Variants in ZSWIM6 observed in about 807,000 individuals in gnomAD.
The protein encoded by ZSWIM6 is zinc finger SWIM domain-containing protein 6.
ZSWIM6 carries 9 observed loss-of-function variants against 113.2 expected under a neutral mutation model. The ratio of observed to expected loss-of-function variants is 0.08; its 90% CI spans 0.05 to 0.14. The LOEUF (loss-of-function observed/expected upper bound fraction) is 0.14. Among genes scored for constraint, ZSWIM6 ranks in the 10% least tolerant of loss-of-function variants. ZSWIM6 has a pLI of 1.00. For missense variants in ZSWIM6, 1,162 were observed against 1,552.2 expected (o/e 0.75, Z 4.22); for synonymous variants, 611 against 606.5 (o/e 1.01, Z -0.11).
At chr5:61,535,428 A>G (rs982475849) in intron 9 of ZSWIM6, 56 bp from the exon 10 acceptor site, 1 of 1,537,688 alleles carries the variant, frequency 6.5e-7, no homozygotes, top group African/African-American at 1.4e-5. Context: ...TATGCTTTAC[A>G]AGAAGTGTTA....
chr5:61,409,873 G>A (rs1201746811), intron 1 of ZSWIM6, among the ~76,000 whole-genome samples: 3 of 152,208 alleles, frequency 2.0e-5, no homozygotes, highest in African/African-American at 7.2e-5. Context: ...GATCAGGCCA[G>A]TAAAGGAAGA....
At chr5:61,437,106 A>G (rs1746724697) in intron 1 of ZSWIM6, among the ~76,000 whole-genome samples, 1 of 152,112 alleles carries the variant, frequency 6.6e-6, no homozygotes, top group Non-Finnish European at 1.5e-5. Flanking sequence ...TCTGCAACAT[A>G]AGGGAAAGGG....
intron 1 of ZSWIM6, among the ~76,000 whole-genome samples, chr5:61,455,356 A>G (rs1239284916): frequency 1.3e-5 from 2 of 152,164 alleles, no homozygotes; most frequent in Non-Finnish European, 2.9e-5. Flanking sequence ...AACAAGGACA[A>G]AGGAAGGGCC....
intron 1 of ZSWIM6, among the ~76,000 whole-genome samples, chr5:61,417,152 A>C (rs561561771): frequency 2.7e-4 from 41 of 152,318 alleles, no homozygotes; most frequent in African/African-American, 9.6e-4. Context: ...GAAGAAAAAA[A>C]AAATAAAAGC....
In ZSWIM6 at chr5:61,472,724, G is replaced by A. The variant is rs1747604370; in HGVS notation, c.720G>A (p.Ser240=). 3 of 1,548,314 alleles carry A rather than the reference G, an allele frequency of 1.9e-6. No homozygotes were observed. Among genetic ancestry groups the A allele is most frequent in the South Asian group, 1.2e-5 (1 of 83,544 alleles). The change falls in exon 2 of 14, where the codon TCG becomes TCA. Residue 240 remains serine, a synonymous_variant. Coordinates refer to ENST00000252744, the MANE Select transcript of ZSWIM6 (RefSeq NM_020928.2). This position sits in a 1 kb window ranked among gnomAD's most constrained non-coding sequence, Gnocchi z 4.1. The part of the protein sequence containing the change: ...SGTVTEPAIQ[S]EPETVCNVAI... ...CAGTGACAGAACCTGCAATACAATCGGAGCCAGAAACTGTTTGCAACGTGG... is the reference window on the plus strand; with the variant it reads ...CAGTGACAGAACCTGCAATACAATCAGAGCCAGAAACTGTTTGCAACGTGG...
chr5:61,374,699 G>A (rs1040916460), intron 1 of ZSWIM6, among the ~76,000 whole-genome samples: 7 of 151,890 alleles, frequency 4.6e-5, no homozygotes, highest in African/African-American at 1.5e-4. Context: ...GACTACAGGC[G>A]CTCGCCACCA....
chr5:61,361,298 A>G (rs994832022), intron 1 of ZSWIM6, among the ~76,000 whole-genome samples: 3 of 152,182 alleles, frequency 2.0e-5, no homozygotes, highest in Non-Finnish European at 2.9e-5. Context: ...AAGTAATAGA[A>G]GTGGGATTGA....
At chr5:61,333,410 C>T (rs941023206) in intron 1 of ZSWIM6, among the ~76,000 whole-genome samples, 1 of 151,880 alleles carries the variant, frequency 6.6e-6, no homozygotes, top group African/African-American at 2.4e-5. Flanking sequence ...GCGCTCCCCC[C>T]CTCTCCCACT....
At chr5:61,508,111 G>A (rs149315565) in intron 4 of ZSWIM6, among the ~76,000 whole-genome samples, 7 of 152,106 alleles carry the variant, frequency 4.6e-5, no homozygotes, top group Admixed American at 6.6e-5. Flanking sequence ...TCATGTGAGG[G>A]TGAAATGTGA....
rs564154837 is a variant in ZSWIM6 at position 61,461,439 on chromosome 5, G to A, written c.677-11242G>A. ...GCCAGTGGGGCTAGAATTACATAATGGCTGAAATTAGAATCAAGAGTCCCA... is the reference window on the plus strand; with the variant it reads ...GCCAGTGGGGCTAGAATTACATAATAGCTGAAATTAGAATCAAGAGTCCCA... On this transcript the variant is annotated intron_variant, in intron 1 of 13. Transcript: ENST00000252744. Among the ~76,000 whole-genome samples the A allele has an allele frequency of 1.8e-4, 28 of 152,306 alleles. No homozygotes were observed. The South Asian group carries it at 3.5e-3, about 19-fold the overall frequency.
At chr5:61,391,388 T>C (rs1745708183) in intron 1 of ZSWIM6, 1 of 859,582 alleles carries the variant, frequency 1.2e-6, no homozygotes, top group South Asian at 1.3e-5. Context: ...TAGGCAATGA[T>C]GCAGATGACT....
rs1233271761 is a variant in ZSWIM6 at position 61,472,407 on chromosome 5, A to G, written c.677-274A>G. On this transcript the variant is annotated intron_variant, in intron 1 of 13. Coordinates refer to ENST00000252744, the MANE Select transcript of ZSWIM6 (RefSeq NM_020928.2). This position sits in a 1 kb window ranked among gnomAD's most constrained non-coding sequence, Gnocchi z 4.1. Reference sequence around the variant, plus strand: ...TTAGTGCGTGATCTAACCACTTCCTATAGGTATGATGGTGTTGTATGGCAA... The same window carrying G: ...TTAGTGCGTGATCTAACCACTTCCTGTAGGTATGATGGTGTTGTATGGCAA... Among the ~76,000 whole-genome samples, 2 of 152,160 alleles carry G rather than the reference A, an allele frequency of 1.3e-5. No homozygotes were observed. Among genetic ancestry groups the G allele is most frequent in the African/African-American group, 2.4e-5 (1 of 41,420 alleles).
At position 61,390,660 on chromosome 5, in the gene ZSWIM6, T is replaced by G. The variant is rs1311256377; in HGVS notation, c.676+57712T>G. On this transcript the variant is annotated intron_variant, in intron 1 of 13. Transcript: ENST00000252744. ...AGACCCCACCAGCTGCAAAAACTGT[T>G]CCTGGCATTAAGCTCCTTCTTCCTT... 7.3e-6 allele frequency: 6 copies of G among 823,930 alleles called. No individual in the cohort carries two copies. The Admixed American group carries it at 1.0e-4, about 14-fold the overall frequency. 51.0% of individuals were successfully genotyped at this position (823,930 alleles called of 1,614,324 possible).
At chr5:61,422,530 A>C (rs1299947392) in intron 1 of ZSWIM6, among the ~76,000 whole-genome samples, 3 of 152,096 alleles carry the variant, frequency 2.0e-5, no homozygotes, top group Non-Finnish European at 4.4e-5. Flanking sequence ...TTTTGCTTAG[A>C]TAGCTTTGAC....
Position 61,538,919 on chromosome 5 carries a change from C to T in ZSWIM6, c.2487C>T (p.His829=), listed in dbSNP as rs1425944461. ...NRYPRWFTLS[H]IESQQCELAS... ...ACCCTCGCTGGTTCACTCTAAGCCA[C>T]ATTGAGTCCCAGCAGTGTGAGCTGG... Residue 829 remains histidine (H), a synonymous_variant, in exon 11 of 14, where the codon CAC becomes CAT. Transcript: ENST00000252744. 2.6e-6 allele frequency: 4 copies of T among 1,552,172 alleles called. No homozygotes were observed. Among genetic ancestry groups the T allele is most frequent in the Admixed American group, 3.9e-5 (2 of 51,016 alleles).
intron 4 of ZSWIM6, among the ~76,000 whole-genome samples, chr5:61,498,791 A>G (rs962402407): frequency 6.6e-5 from 10 of 152,174 alleles, no homozygotes; most frequent in Non-Finnish European, 2.9e-5. Flanking sequence ...CACACATTCA[A>G]AATGATACTT....
Position 61,521,427 on chromosome 5 carries a change from G to A in ZSWIM6, c.1498G>A (p.Ala500Thr). ...CTTAACCAATGCTCTGCCTCAGGGT[G>A]CAAATGCCAACCAAGGTGAGTCTAC... ...PNLTNALPQG[A>T]NANQDSSNRP... The change falls in exon 5 of 14, where the codon GCA becomes ACA. Residue 500 changes from alanine to threonine, a missense_variant. Ala to Thr is a moderately conservative substitution (Grantham distance 58). Around this residue, in one of 4 missense-constraint regions of ZSWIM6, gnomAD observed 620 missense variants for 804.6 expected, o/e 0.77. Coordinates refer to ENST00000252744, the MANE Select transcript of ZSWIM6 (RefSeq NM_020928.2). 1.4e-6 allele frequency: 2 copies of A among 1,474,614 alleles called. No homozygotes were observed. The highest frequency in any genetic ancestry group is 1.8e-6 in the Non-Finnish European group (2 of 1,107,382). 91.3% of individuals were successfully genotyped at this position (1,474,614 alleles called of 1,614,324 possible). A position where few individuals can be genotyped will look rare whatever the true frequency, so the allele number is the denominator to read the frequency against.
rs540300657 is a variant in ZSWIM6, at chr5:61,466,963, T to TTTGATTAAC, written c.677-5718_677-5717insTTGATTAAC. 2.4e-3 allele frequency among the ~76,000 whole-genome samples: 363 copies of TTTGATTAAC among 152,356 alleles called. 1 individual carries two copies. Among genetic ancestry groups the TTTGATTAAC allele is most frequent in the Admixed American group, 4.8e-3 (74 of 15,298 alleles). Reference sequence around the variant, plus strand: ...AATCTTTGTTAATGTGAAATTAACATAGATGATTTGAATATGTGTTCATGT... The same window carrying TTTGATTAAC: ...AATCTTTGTTAATGTGAAATTAACATTTGATTAACAGATGATTTGAATATGTGTTCATGT... On this transcript the variant is annotated intron_variant, in intron 1 of 13. Transcript: ENST00000252744.
At chr5:61,449,430 A>G (rs554781563) in intron 1 of ZSWIM6, among the ~76,000 whole-genome samples, 8 of 152,202 alleles carry the variant, frequency 5.3e-5, no homozygotes, top group Admixed American at 2.0e-4. Flanking sequence ...GGGTCTTACC[A>G]TGTTGCCCAG....
Sources: gnomAD v4.1 joint callset for allele counts (sites outside exome capture counted in the v4.1 genomes callset) on GRCh38, gnomAD v4.1.1 for gene constraint, gnomAD v4.1.1 regional missense constraint, Gnocchi (gnomAD v3.1) non-coding constraint, MANE v1.5 for transcripts, NCBI Gene and HGNC (gene_info 2026-07-23, HGNC 2026-07-21) for gene names.